The following CAMTA1 variants were observed in gnomAD, a reference collection of about 807,000 sequenced individuals.
CAMTA1 encodes calmodulin binding transcription activator 1.
In CAMTA1, 27 loss-of-function variants were observed where a neutral mutation model predicts 170.9. The observed-to-expected ratio is 0.16, with a 90% CI of 0.12 to 0.22. The LOEUF is 0.22. CAMTA1 is among the 10% of genes least tolerant of loss of function. The pLI, the probability that CAMTA1 is intolerant of heterozygous loss-of-function variation, is 1.00. For missense variants in CAMTA1, 1,619 were observed against 2,217.2 expected, an observed-to-expected ratio of 0.73 and a Z score of 5.42; for synonymous variants, 833 against 891.5, an observed-to-expected ratio of 0.93 and a Z score of 1.17.
At chr1:7,594,441 G>A (rs1424144889) in intron 6 of CAMTA1, among the ~76,000 whole-genome samples, 1 of 152,250 alleles carries the variant, frequency 6.6e-6, no homozygotes, top group Non-Finnish European at 1.5e-5. Context: ...ACAGGGCAGA[G>A]TGTGTGGGTT....
chr1:7,169,557 T>G (rs1649183738), intron 4 of CAMTA1, among the ~76,000 whole-genome samples: 1 of 152,182 alleles, frequency 6.6e-6, no homozygotes, highest in Admixed American at 6.5e-5. Flanking sequence ...CAGGCTGGAG[T>G]GCAGTAGTGC....
intron 3 of CAMTA1, among the ~76,000 whole-genome samples, chr1:6,851,752 G>A (rs1570924014): frequency 2.0e-5 from 3 of 152,242 alleles, no homozygotes; most frequent in African/African-American, 7.2e-5. Context: ...GATGGTTCAT[G>A]CCTGTAATCC....
At chr1:6,994,695 T>G (rs1696921843) in intron 3 of CAMTA1, among the ~76,000 whole-genome samples, 1 of 151,870 alleles carries the variant, frequency 6.6e-6, no homozygotes, top group Non-Finnish European at 1.5e-5. Context: ...TGAGACAAGG[T>G]CTGGCTCTAT....
rs192146292 is a variant in CAMTA1 at position 7,316,916 on chromosome 1, C to T, written c.438+67290C>T. Among the ~76,000 whole-genome samples the T allele has an allele frequency of 1.4e-3, 207 of 152,238 alleles. 2 individuals carry two copies. In the Middle Eastern group the frequency reaches 0.058, roughly 43 times the overall value. The stretch of plus-strand genomic sequence containing the variant: ...TGGGGTACAGCAGTGTATGGGAGAG[C>T]GGCAGAGAGTAAGAGAGCACCTATT... On this transcript the variant is annotated intron_variant, in intron 5 of 22. Transcript: ENST00000303635.
rs538143697 is a variant in CAMTA1 at position 7,363,602 on chromosome 1, C to T, written c.439-104228C>T. On this transcript the variant is annotated intron_variant, in intron 5 of 22. Transcript: ENST00000303635. ...TTTCACAGGATGGGTGACATCGGAA[C>T]GATTGGCCTGTGTGGTTGCCTCTGG... Among the ~76,000 whole-genome samples, 51 of 152,206 alleles carry T rather than the reference C, an allele frequency of 3.4e-4. 1 individual carries two copies. The South Asian group carries it at 9.6e-3, about 29-fold the overall frequency.
intron 3 of CAMTA1, among the ~76,000 whole-genome samples, chr1:6,991,519 C>T (rs1294661063): frequency 6.6e-6 from 1 of 152,168 alleles, no homozygotes; most frequent in Non-Finnish European, 1.5e-5. Flanking sequence ...ATATATCTCC[C>T]TTTGTGACAT....
At position 7,768,142 on chromosome 1, in the gene CAMTA1, G is replaced by T. The variant is rs571594942; in HGVS notation, c.*1651G>T. On this transcript the variant is annotated 3_prime_UTR_variant, in exon 23 of 23. Transcript: ENST00000303635. ...AAAAAAAAAAAAAAACCTGACAAAA[G>T]AAATAGTATGAAAAGTAGAAAAATG... 264 of 139,458 alleles carry T rather than the reference G, an allele frequency of 1.9e-3. 2 individuals are homozygous for T. Among genetic ancestry groups the T allele is most frequent in the African/African-American group, 6.8e-3 (256 of 37,912 alleles). The allele number at this position is 139,458 out of a possible 1,614,324, so 8.6% of individuals were successfully genotyped here.
At chr1:7,696,509 T>TA (rs111832916) in intron 11 of CAMTA1, among the ~76,000 whole-genome samples, 35 of 151,212 alleles carry the variant, frequency 2.3e-4, no homozygotes, top group African/African-American at 3.9e-4. Context: ...TTTTTTTTTT[T>TA]AAAATAAATG....
intron 1 of CAMTA1, among the ~76,000 whole-genome samples, chr1:6,810,398 G>T (rs1645024183): frequency 6.6e-6 from 1 of 152,180 alleles, no homozygotes; most frequent in South Asian, 2.1e-4. Flanking sequence ...GAGCCAGGAG[G>T]GACAGTCTCT....
chr1:7,480,736 G>A (rs1418172068), intron 6 of CAMTA1, among the ~76,000 whole-genome samples: 1 of 152,082 alleles, frequency 6.6e-6, no homozygotes, highest in African/African-American at 2.4e-5. Context: ...CTGAGCTGCT[G>A]AGGCCTTCTC....
At chr1:7,062,461 G>A (rs998750819) in intron 3 of CAMTA1, among the ~76,000 whole-genome samples, 2 of 152,162 alleles carry the variant, frequency 1.3e-5, no homozygotes, top group Admixed American at 6.5e-5. Flanking sequence ...TGCCCAGCCC[G>A]GGGGTGAGTC....
chr1:7,097,477 A>G (rs1234640567), intron 4 of CAMTA1, among the ~76,000 whole-genome samples: 1 of 152,184 alleles, frequency 6.6e-6, no homozygotes, highest in African/African-American at 2.4e-5. Flanking sequence ...ATCAGGCCCC[A>G]GGCTGGTCCT....
chr1:7,245,724 G>A (rs748149117), intron 4 of CAMTA1, among the ~76,000 whole-genome samples: 2 of 152,046 alleles, frequency 1.3e-5, no homozygotes, highest in Admixed American at 6.6e-5. Context: ...TGGAGGTCTC[G>A]GAAGGTTTCC....
intron 16 of CAMTA1, among the ~76,000 whole-genome samples, chr1:7,743,879 T>G (rs1441510325): frequency 6.6e-6 from 1 of 150,998 alleles, no homozygotes; most frequent in Non-Finnish European, 1.5e-5. Flanking sequence ...CAGGCTGGAG[T>G]GCAGTGGCGC....
At chr1:6,786,029 A>T (rs1278572110) in intron 1 of CAMTA1, among the ~76,000 whole-genome samples, 23 of 151,252 alleles carry the variant, frequency 1.5e-4, no homozygotes, top group Non-Finnish European at 3.0e-4. Flanking sequence ...CCCGCGCCCC[A>T]CTGCTCCGGG....
chr1:7,367,296 A>C (rs1388619814), intron 5 of CAMTA1, among the ~76,000 whole-genome samples: 1 of 152,216 alleles, frequency 6.6e-6, no homozygotes, highest in African/African-American at 2.4e-5. Flanking sequence ...CCCCAGGTAA[A>C]ACGAAAGAGC....
chr1:7,463,044 T>A lies in CAMTA1; in HGVS notation c.439-4786T>A, dbSNP rs1309771350. Among the ~76,000 whole-genome samples, 1 of 152,054 alleles carries A rather than the reference T, an allele frequency of 6.6e-6. No individual in the cohort carries two copies. The highest frequency in any genetic ancestry group is 6.5e-5 in the Admixed American group (1 of 15,276). ...AGGCAGCACAGGGAGGTTGTCCTGG[T>A]GAATGGCACTGTGTGCGGCAGAGCC... On this transcript the variant is annotated intron_variant, in intron 5 of 22. Coordinates refer to ENST00000303635, the MANE Select transcript of CAMTA1 (RefSeq NM_015215.4). The surrounding 1 kb of genome is among the most constrained non-coding windows in gnomAD (Gnocchi z 4.7).
intron 5 of CAMTA1, among the ~76,000 whole-genome samples, chr1:7,276,303 A>ATATATATATATTTTTTTTTTTTTTTTTT: frequency 4.1e-5 from 1 of 24,232 alleles, no homozygotes; most frequent in Non-Finnish European, 6.1e-5. Context: ...ATATATATAT[A>ATATATATATATTTTTTTTTTTTTTTTTT]TTTTTTTTTT....
intron 3 of CAMTA1, among the ~76,000 whole-genome samples, chr1:6,982,954 G>A (rs1034463175): frequency 6.6e-6 from 1 of 152,178 alleles, no homozygotes; most frequent in African/African-American, 2.4e-5. Context: ...TGAGTAGGGT[G>A]GAGGGAGGAT....
Sources: gnomAD v4.1 joint callset for allele counts (sites outside exome capture counted in the v4.1 genomes callset) on GRCh38, gnomAD v4.1.1 for gene constraint, Gnocchi (gnomAD v3.1) non-coding constraint, MANE v1.5 for transcripts, NCBI Gene and HGNC (gene_info 2026-07-23, HGNC 2026-07-21) for gene names.